The following RANBP2 variants were observed in gnomAD, a reference collection of about 807,000 sequenced individuals.
The protein encoded by RANBP2 is RAN binding protein 2, also known as E3 SUMO-protein ligase RanBP2.
A neutral mutation model predicts 303.6 loss-of-function variants in RANBP2; 57 were observed. The observed-to-expected ratio is 0.19, with a 90% CI of 0.15 to 0.23. RANBP2 has a LOEUF of 0.23. RANBP2 is among the 10% of genes least tolerant of loss of function. The pLI is 1.00. For missense variants in RANBP2, 3,138 were observed against 3,780.8 expected (o/e 0.83, Z 4.46); for synonymous variants, 1,167 against 1,301.5 (o/e 0.90, Z 2.23).
chr2:109,019,341 C>T, the RANBP2 span, among the ~76,000 whole-genome samples: 1 of 152,296 alleles, frequency 6.6e-6, no homozygotes, highest in African/African-American at 2.4e-5. Context: ...CAGGGACTCA[C>T]CAAGTTTTGA....
the RANBP2 span, among the ~76,000 whole-genome samples, chr2:109,621,221 T>C: frequency 6.6e-6 from 1 of 152,132 alleles, no homozygotes; most frequent in Admixed American, 6.5e-5. Flanking sequence ...GGCGTGATCT[T>C]GGCTCACTGC....
At chr2:109,660,182 T>C in the RANBP2 span, among the ~76,000 whole-genome samples, 1 of 152,222 alleles carries the variant, frequency 6.6e-6, no homozygotes, top group Non-Finnish European at 1.5e-5. Flanking sequence ...TTTCCCTTCC[T>C]GCAACCAATC....
At chr2:109,506,008 C>G in the RANBP2 span, among the ~76,000 whole-genome samples, 11 of 152,326 alleles carry the variant, frequency 7.2e-5, no homozygotes, top group East Asian at 1.9e-3. Flanking sequence ...GTTTTACATT[C>G]AAATCACGTA....
At chr2:108,939,402 G>A in the RANBP2 span, among the ~76,000 whole-genome samples, 1 of 152,200 alleles carries the variant, frequency 6.6e-6, no homozygotes, top group African/African-American at 2.4e-5. Flanking sequence ...GGCAAGGCTG[G>A]TCTTGAACTC....
the RANBP2 span, among the ~76,000 whole-genome samples, chr2:109,020,332 C>T: frequency 6.6e-6 from 1 of 152,194 alleles, no homozygotes; most frequent in Non-Finnish European, 1.5e-5. Flanking sequence ...GATAACCCTT[C>T]TCCCCGGTTT....
At chr2:109,183,241 A>C in the RANBP2 span, among the ~76,000 whole-genome samples, 1 of 152,210 alleles carries the variant, frequency 6.6e-6, no homozygotes, top group African/African-American at 2.4e-5. Flanking sequence ...CAAAAAGCAC[A>C]TCCTGAGATG....
chr2:109,270,210 A>G, the RANBP2 span, among the ~76,000 whole-genome samples: 3 of 152,152 alleles, frequency 2.0e-5, no homozygotes, highest in Non-Finnish European at 2.9e-5. Flanking sequence ...GTGGCCTGTC[A>G]CAAGGAAGAT....
At chr2:109,223,036 C>T in the RANBP2 span, among the ~76,000 whole-genome samples, 1 of 152,244 alleles carries the variant, frequency 6.6e-6, no homozygotes, top group Non-Finnish European at 1.5e-5. Context: ...CTGTGGCCAT[C>T]AGATGGTGTG....
chr2:108,777,285 T>C, intron 25 of RANBP2, 54 bp downstream of exon 25: 1 of 1,458,420 alleles, frequency 6.9e-7, no homozygotes, highest in Non-Finnish European at 9.4e-7. Flanking sequence ...CAAGCACAAC[T>C]GAAAAACTAG....
the RANBP2 span, chr2:109,501,440 A>C: frequency 7.2e-6 from 5 of 692,482 alleles, no homozygotes; most frequent in African/African-American, 8.7e-5. Flanking sequence ...GGAAGAAGAG[A>C]AAGCACGACC....
At chr2:109,667,158 T>G in the RANBP2 span, 2 of 1,319,986 alleles carry the variant, frequency 1.5e-6, no homozygotes, top group Non-Finnish European at 2.2e-6. Flanking sequence ...TAAGAAACAT[T>G]TTAATTCACT....
the RANBP2 span, among the ~76,000 whole-genome samples, chr2:109,149,035 T>C: frequency 7.9e-5 from 12 of 152,316 alleles, no homozygotes; most frequent in East Asian, 2.3e-3. Context: ...TCTCTTCTCA[T>C]TTATTCATTT....
the RANBP2 span, among the ~76,000 whole-genome samples, chr2:108,983,251 C>A: frequency 3.9e-4 from 60 of 152,286 alleles, no homozygotes; most frequent in African/African-American, 1.4e-3. Context: ...TAGGAACAGC[C>A]ATTTTGAGTC....
the RANBP2 span, among the ~76,000 whole-genome samples, chr2:109,340,071 A>G: frequency 3.9e-5 from 6 of 152,156 alleles, no homozygotes; most frequent in African/African-American, 7.2e-5. Flanking sequence ...GTGAGCAGTA[A>G]TCGGGTTATC....
the RANBP2 span, among the ~76,000 whole-genome samples, chr2:109,202,848 G>T: frequency 5.9e-5 from 9 of 152,238 alleles, no homozygotes; most frequent in Admixed American, 1.3e-4. Context: ...TTTAAGTGTT[G>T]CAGAATTTAT....
the RANBP2 span, chr2:108,839,378 G>GATA: frequency 8.3e-7 from 1 of 1,199,056 alleles, no homozygotes; most frequent in Non-Finnish European, 1.2e-6. Flanking sequence ...CACAATATCT[G>GATA]TTTTGAATAT....
the RANBP2 span, among the ~76,000 whole-genome samples, chr2:109,030,563 A>G: frequency 1.3e-5 from 2 of 152,152 alleles, no homozygotes; most frequent in Admixed American, 1.3e-4. Context: ...GCTCCCTGAG[A>G]AGGAGTGGGG....
At chr2:109,166,882 T>C in the RANBP2 span, among the ~76,000 whole-genome samples, 1 of 152,236 alleles carries the variant, frequency 6.6e-6, no homozygotes, top group Admixed American at 6.5e-5. Flanking sequence ...ACATTATACT[T>C]AGGGCTTACT....
the RANBP2 span, chr2:109,129,380 C>A: frequency 7.6e-6 from 9 of 1,179,640 alleles, no homozygotes; most frequent in African/African-American, 1.1e-4. Context: ...GTCGGTGAGC[C>A]ACTTCGCACC....
Sources: allele counts gnomAD v4.1 joint callset (sites outside exome capture counted in the v4.1 genomes callset), GRCh38; gene constraint gnomAD v4.1.1; transcripts MANE v1.5; gene names NCBI Gene and HGNC (gene_info 2026-07-23, HGNC 2026-07-21).